SHBG: variants seen among roughly 807,000 people sequenced by gnomAD.
The protein encoded by SHBG is sex hormone binding globulin, also known as sex hormone-binding globulin.
A neutral mutation model predicts 41.9 loss-of-function variants in SHBG; 37 were observed. The ratio of observed to expected loss-of-function variants is 0.88; its 90% CI spans 0.68 to 1.16. The LOEUF is 1.16. SHBG is among the 50% of genes most tolerant of loss of function. The pLI, the probability that SHBG is intolerant of heterozygous loss-of-function variation, is 0.00. For synonymous variants in SHBG, 217 were observed against 205.8 expected (o/e 1.05, Z -0.47); for missense variants, 466 against 499.9 (o/e 0.93, Z 0.65).
At chr17:7,627,737 C>T (rs746756884), upstream of SHBG, 5 of 999,518 alleles carry the variant, frequency 5.0e-6, no homozygotes, top group East Asian at 1.1e-4. This position sits in a 1 kb window ranked among gnomAD's most constrained non-coding sequence, Gnocchi z 4.8. Flanking sequence ...CCTGAGAGAG[C>T]GGGGTGGCGG....
upstream of SHBG, chr17:7,627,365 T>C (rs772895399): frequency 5.6e-6 from 9 of 1,614,050 alleles, no homozygotes; most frequent in Non-Finnish European, 7.6e-6. The surrounding 1 kb of genome is among the most constrained non-coding windows in gnomAD (Gnocchi z 4.8). Context: ...GCCCCCACCT[T>C]CTTCACTGAT....
upstream of SHBG, chr17:7,626,206 AGAAAT>A (rs1439064006): frequency 2.5e-6 from 1 of 397,480 alleles, no homozygotes; most frequent in Non-Finnish European, 4.5e-6. Flanking sequence ...AAAAAAAAAA[AGAAAT>A]AAAAGAAAGA....
intron 1 of SHBG, among the ~76,000 whole-genome samples, chr17:7,617,639 G>A (rs921287744): frequency 1.3e-5 from 2 of 151,884 alleles, no homozygotes; most frequent in South Asian, 2.1e-4. Context: ...AAATAAAGGC[G>A]ATAGAAGAAA....
At position 7,631,535 on chromosome 17, in the gene SHBG, G is replaced by A. The variant is rs571685626; in HGVS notation, c.556-54G>A. ...CTGAGGGCAGGGAGGTCGGGACTGC[G>A]GCTCCGATGCCCTGATTTCTACATC... On this transcript the variant is annotated intron_variant, in intron 4 of 7. Transcript: ENST00000380450. 3.7e-5 allele frequency: 60 copies of A among 1,605,512 alleles called. No homozygotes were observed. The African/African-American group carries it at 6.0e-4, about 16-fold the overall frequency.
At chr17:7,622,003 ATTT>A (rs756865271) in intron 1 of SHBG, among the ~76,000 whole-genome samples, 1 of 140,098 alleles carries the variant, frequency 7.1e-6, no homozygotes. Context: ...TGCCCGGCTA[ATTT>A]TTTTTTTTTT....
At chr17:7,622,313 C>G (rs567946866) in intron 1 of SHBG, among the ~76,000 whole-genome samples, 2 of 151,794 alleles carry the variant, frequency 1.3e-5, no homozygotes, top group Non-Finnish European at 1.5e-5. Flanking sequence ...CACTCTGTCA[C>G]CCAGGCTGGA....
At chr17:7,627,634 A>T (rs1347696622), upstream of SHBG, 1 of 1,613,800 alleles carries the variant, frequency 6.2e-7, no homozygotes, top group African/African-American at 1.3e-5. This position sits in a 1 kb window ranked among gnomAD's most constrained non-coding sequence, Gnocchi z 4.8. Context: ...CACGGAAGCC[A>T]TCCGGATCCC....
At chr17:7,627,533 C>T (rs1263676029), upstream of SHBG, 3 of 1,604,182 alleles carry the variant, frequency 1.9e-6, no homozygotes, top group Admixed American at 1.7e-5. The surrounding 1 kb of genome is among the most constrained non-coding windows in gnomAD (Gnocchi z 4.8). Context: ...CTGGCCGCGC[C>T]ACTCTGACCC....
At chr17:7,631,122 T>C (rs2072394300) in intron 3 of SHBG, 78 bp from the exon 4 acceptor site, 1 of 1,396,028 alleles carries the variant, frequency 7.2e-7, no homozygotes, top group Non-Finnish European at 9.6e-7. Context: ...CTTTCCACTA[T>C]AGTACTAGGC....
upstream of SHBG, among the ~76,000 whole-genome samples, chr17:7,624,092 C>T (rs974099545): frequency 3.3e-5 from 5 of 152,072 alleles, no homozygotes; most frequent in Admixed American, 2.0e-4. Context: ...GCTGGGATTA[C>T]AGGCTTGCAC....
chr17:7,627,063 G>A (rs2072234722), upstream of SHBG: 1 of 1,613,060 alleles, frequency 6.2e-7, no homozygotes, highest in Non-Finnish European at 8.5e-7. The surrounding 1 kb of genome is among the most constrained non-coding windows in gnomAD (Gnocchi z 4.8). Flanking sequence ...GAGAAAAGGG[G>A]AGTAAGGCTT....
chr17:7,621,932 G>A (rs1407949028), intron 1 of SHBG, among the ~76,000 whole-genome samples: 1 of 151,592 alleles, frequency 6.6e-6, no homozygotes, highest in Non-Finnish European at 1.5e-5. Context: ...CGCCTCCTGG[G>A]TTCAAGCGAT....
At chr17:7,623,053 T>C (rs1305102756), upstream of SHBG, among the ~76,000 whole-genome samples, 1 of 140,720 alleles carries the variant, frequency 7.1e-6, no homozygotes, top group Non-Finnish European at 1.5e-5. Context: ...AAAAAAAAAG[T>C]AAACTCTGAA....
rs974180419 is a variant in SHBG, at chr17:7,630,615, C to G, written c.204-65C>G. 9.0e-6 allele frequency: 14 copies of G among 1,555,764 alleles called. No individual in the cohort carries two copies. Among genetic ancestry groups the G allele is most frequent in the South Asian group, 2.2e-5 (2 of 89,488 alleles). ...TCCTTATCTGTGAACACCATCTCCCCCAAACCCACACTGGTTCTCAAAGGA... is the reference window on the plus strand; with the variant it reads ...TCCTTATCTGTGAACACCATCTCCCGCAAACCCACACTGGTTCTCAAAGGA... On this transcript the variant is annotated intron_variant, in intron 2 of 7. Coordinates refer to ENST00000380450, the MANE Select transcript of SHBG (RefSeq NM_001040.5). The surrounding 1 kb of genome is among the most constrained non-coding windows in gnomAD (Gnocchi z 4.6).
rs745565209 is a variant in SHBG, at chr17:7,614,475, C to T, written c.-62+364C>T. 4.0e-5 allele frequency: 62 copies of T among 1,541,388 alleles called. 3 individuals carry two copies. In the South Asian group the frequency reaches 6.6e-4, roughly 16 times the overall value. On this transcript the variant is annotated intron_variant, in intron 1 of 5. Transcript: ENST00000570547. The stretch of plus-strand genomic sequence containing the variant: ...ACCTTGTAGAAGGCCCCGTTGGAGC[C>T]GCGCACCTCGACGGGCAGTCCCGGC...
rs1411212997 is a variant in SHBG at position 7,632,714 on chromosome 17, CCT to C, written c.853-29_853-28del. 29 of 1,528,080 alleles carry C rather than the reference CCT, an allele frequency of 1.9e-5. 1 individual carries two copies. The East Asian group carries it at 5.4e-4, about 28-fold the overall frequency. The allele number at this position is 1,528,080 out of a possible 1,614,324, so 94.7% of individuals were successfully genotyped here. On this transcript the variant is annotated intron_variant, in intron 6 of 7. Coordinates refer to ENST00000380450, the MANE Select transcript of SHBG (RefSeq NM_001040.5). ...AGGCAGTAGGCCCGGCTCATTCTTC[CCT>C]CTCTCTCTACCGTCCCTTTCCCACA...
intron 6 of SHBG, 158 bp downstream of exon 6, chr17:7,632,173 A>AAGCACCACCATGCC: frequency 1.2e-6 from 1 of 810,560 alleles, no homozygotes; most frequent in Non-Finnish European, 2.0e-6. Flanking sequence ...TTAGCCAGGC[A>AAGCACCACCATGCC]TGGTGGTGCT....
chr17:7,620,257 G>A (rs1220898996), intron 1 of SHBG, among the ~76,000 whole-genome samples: 1 of 152,118 alleles, frequency 6.6e-6, no homozygotes, highest in East Asian at 1.9e-4. Flanking sequence ...CTTGAGCTCT[G>A]GAGTCCAATA....
At position 7,631,364 on chromosome 17, in the gene SHBG, A is replaced by G; in HGVS notation, c.555+3A>G. ...CCGCTTCCAACCTTCGGTTGCCGGT[A>G]ACTACACCCCAGGGGTGGAACCCTA... On this transcript the variant is annotated splice_donor_region_variant and intron_variant, in intron 4 of 7. Coordinates refer to ENST00000380450, the MANE Select transcript of SHBG (RefSeq NM_001040.5). 6.2e-7 allele frequency: 1 copy of G among 1,612,576 alleles called. No homozygotes were observed. The highest frequency in any genetic ancestry group is 1.1e-5 in the South Asian group (1 of 90,968).
Sources: gnomAD v4.1 joint callset for allele counts (sites outside exome capture counted in the v4.1 genomes callset) on GRCh38, gnomAD v4.1.1 for gene constraint, Gnocchi (gnomAD v3.1) non-coding constraint, MANE v1.5 for transcripts, NCBI Gene and HGNC (gene_info 2026-07-23, HGNC 2026-07-21) for gene names.